KIAA1549L: variants seen among roughly 807,000 people sequenced by gnomAD.
KIAA1549L encodes UPF0606 protein KIAA1549L.
In KIAA1549L, 88 loss-of-function variants were observed where a neutral mutation model predicts 160.7. That is an observed-to-expected ratio of 0.55 (90% CI 0.46 to 0.65). The LOEUF (loss-of-function observed/expected upper bound fraction) is 0.65. Among genes scored for constraint, KIAA1549L ranks in the 30% least tolerant of loss-of-function variants. The pLI, the probability that KIAA1549L is intolerant of heterozygous loss-of-function variation, is 0.00. For synonymous variants in KIAA1549L, 950 were observed against 976.7 expected, an observed-to-expected ratio of 0.97 and a Z score of 0.51; for missense variants, 2,258 against 2,437.5, an observed-to-expected ratio of 0.93 and a Z score of 1.55.
intron 1 of KIAA1549L, among the ~76,000 whole-genome samples, chr11:33,528,232 A>T (rs1453027277): frequency 6.6e-6 from 1 of 152,202 alleles, no homozygotes. Flanking sequence ...AAAAATGCTC[A>T]AGATCACTAA....
intron 1 of KIAA1549L, among the ~76,000 whole-genome samples, chr11:33,506,788 T>C (rs1853101920): frequency 6.6e-6 from 1 of 151,942 alleles, no homozygotes; most frequent in Admixed American, 6.5e-5. Flanking sequence ...CATAAAAATA[T>C]TTGAAAAATT....
intron 16 of KIAA1549L, among the ~76,000 whole-genome samples, chr11:33,622,225 G>A (rs1439999618): frequency 1.3e-5 from 2 of 152,182 alleles, no homozygotes; most frequent in East Asian, 3.8e-4. Flanking sequence ...GGTATCAGGC[G>A]AGGTCCAGCT....
intron 1 of KIAA1549L, among the ~76,000 whole-genome samples, chr11:33,485,272 A>G (rs1441943917): frequency 6.6e-6 from 1 of 152,170 alleles, no homozygotes; most frequent in Non-Finnish European, 1.5e-5. Flanking sequence ...TTTCTTTTGC[A>G]ATGGCATTGG....
chr11:33,477,339 T>C (rs774791068), intron 1 of KIAA1549L, among the ~76,000 whole-genome samples: 4 of 152,130 alleles, frequency 2.6e-5, no homozygotes, highest in African/African-American at 4.8e-5. Context: ...AGTGAACGCT[T>C]AACAAGATGT....
chr11:33,552,041 C>G, intron 5 of KIAA1549L, 67 bp from the exon 6 acceptor site: 1 of 1,559,444 alleles, frequency 6.4e-7, no homozygotes, highest in South Asian at 1.2e-5. Flanking sequence ...ATATTATGAC[C>G]ACTGTTAAAT....
intron 1 of KIAA1549L, among the ~76,000 whole-genome samples, chr11:33,503,446 A>G (rs1402316525): frequency 6.6e-6 from 1 of 152,170 alleles, no homozygotes; most frequent in Non-Finnish European, 1.5e-5. Context: ...TTGTATATGT[A>G]TGTGTTTCCA....
At chr11:33,564,078 G>A (rs1172506860) in intron 8 of KIAA1549L, among the ~76,000 whole-genome samples, 1 of 152,108 alleles carries the variant, frequency 6.6e-6, no homozygotes, top group African/African-American at 2.4e-5. Flanking sequence ...AATAAACAGT[G>A]GCTTCCATCA....
intron 1 of KIAA1549L, among the ~76,000 whole-genome samples, chr11:33,523,928 T>G (rs779437184): frequency 9.9e-5 from 15 of 152,204 alleles, no homozygotes; most frequent in Non-Finnish European, 2.1e-4. Flanking sequence ...TATGTACATA[T>G]TTTGATCATT....
At chr11:33,526,545 G>A (rs183883002) in intron 1 of KIAA1549L, among the ~76,000 whole-genome samples, 37 of 152,252 alleles carry the variant, frequency 2.4e-4, no homozygotes, top group Admixed American at 2.2e-3. Context: ...TGGTAGCCCC[G>A]CTGGGTGGCT....
intron 13 of KIAA1549L, among the ~76,000 whole-genome samples, chr11:33,605,350 A>G (rs889398525): frequency 3.9e-5 from 6 of 152,180 alleles, no homozygotes; most frequent in Admixed American, 2.6e-4. Flanking sequence ...TTGTATAGCA[A>G]GTGTCCAGGA....
chr11:33,491,377 G>A (rs1852659840), intron 1 of KIAA1549L, among the ~76,000 whole-genome samples: 1 of 152,176 alleles, frequency 6.6e-6, no homozygotes, highest in African/African-American at 2.4e-5. Context: ...GGAATACATA[G>A]GAAATTGTAG....
intron 1 of KIAA1549L, among the ~76,000 whole-genome samples, chr11:33,496,589 A>G (rs1448818101): frequency 1.3e-5 from 2 of 152,128 alleles, no homozygotes; most frequent in Non-Finnish European, 2.9e-5. Context: ...TTCATGCTCA[A>G]TCATGGTAAA....
chr11:33,636,334 G>A (rs1050923499), intron 16 of KIAA1549L, among the ~76,000 whole-genome samples: 2 of 148,766 alleles, frequency 1.3e-5, no homozygotes, highest in African/African-American at 4.9e-5. Context: ...ACAATCTCTG[G>A]TAACAATGAA....
At chr11:33,530,591 T>C (rs1349053918) in intron 1 of KIAA1549L, among the ~76,000 whole-genome samples, 2 of 151,126 alleles carry the variant, frequency 1.3e-5, no homozygotes, top group African/African-American at 4.9e-5. Flanking sequence ...GTCAGAAAGA[T>C]GCCGGGAGAA....
At chr11:33,439,837 G>T (rs990288698) in intron 1 of KIAA1549L, among the ~76,000 whole-genome samples, 5 of 151,762 alleles carry the variant, frequency 3.3e-5, no homozygotes, top group Middle Eastern at 3.2e-3. Context: ...GGTATTTTCC[G>T]GGTATGTCTT....
intron 16 of KIAA1549L, among the ~76,000 whole-genome samples, chr11:33,629,874 GAGTTTCC>G (rs1338809107): frequency 1.8e-5 from 2 of 114,068 alleles, no homozygotes; most frequent in Admixed American, 1.7e-4. Context: ...CTGCTTTTTA[GAGTTTCC>G]AGTTTTTCTG....
chr11:33,614,558 A>C (rs1564924780), intron 15 of KIAA1549L, among the ~76,000 whole-genome samples: 270 of 11,574 alleles, frequency 0.023, 40 homozygotes, highest in African/African-American at 0.091. Flanking sequence ...ATATATATAT[A>C]TATATATATA....
At chr11:33,601,247 AG>A (rs1850352944) in intron 13 of KIAA1549L, among the ~76,000 whole-genome samples, 1 of 152,176 alleles carries the variant, frequency 6.6e-6, no homozygotes, top group African/African-American at 2.4e-5. Flanking sequence ...TTCTGTTTAC[AG>A]GTTTCTATTC....
chr11:33,470,063 T>C (rs1852146261), intron 1 of KIAA1549L, among the ~76,000 whole-genome samples: 1 of 152,360 alleles, frequency 6.6e-6, no homozygotes, highest in Admixed American at 6.5e-5. Flanking sequence ...CTTGTACTTT[T>C]GGTGTCATAT....
Sources: gnomAD v4.1 joint callset for allele counts (sites outside exome capture counted in the v4.1 genomes callset) on GRCh38, gnomAD v4.1.1 for gene constraint, MANE v1.5 for transcripts, NCBI Gene and HGNC (gene_info 2026-07-23, HGNC 2026-07-21) for gene names.